FGR: variants seen among roughly 807,000 people sequenced by gnomAD.
FGR encodes tyrosine-protein kinase Fgr.
FGR carries 26 observed loss-of-function variants against 63.2 expected under a neutral mutation model. The observed-to-expected ratio is 0.41, with a 90% CI of 0.30 to 0.57. The LOEUF (loss-of-function observed/expected upper bound fraction) is 0.57, where lower values mean the gene tolerates loss of function less well. Among genes scored for constraint, FGR ranks in the 20% least tolerant of loss-of-function variants. The pLI, the probability that FGR is intolerant of heterozygous loss-of-function variation, is 0.27. For missense variants in FGR, 511 were observed against 690.8 expected (o/e 0.74, Z 2.92); for synonymous variants, 286 against 277.7 (o/e 1.03, Z -0.30).
intron 1 of FGR, among the ~76,000 whole-genome samples, chr1:27,630,923 C>T (rs1272809670): frequency 6.6e-6 from 1 of 152,200 alleles, no homozygotes; most frequent in Non-Finnish European, 1.5e-5. Flanking sequence ...GCTCTATGAC[C>T]TTGGATCTTT....
chr1:27,620,991 C>CAAAAAAAAAAAAAAA (rs59265327), intron 5 of FGR, among the ~76,000 whole-genome samples: 5 of 22,036 alleles, frequency 2.3e-4, no homozygotes, highest in Middle Eastern at 0.071. Context: ...GACCCTGTCT[C>CAAAAAAAAAAAAAAA]AAAAAAAAAA....
At chr1:27,631,758 A>G in intron 1 of FGR, among the ~76,000 whole-genome samples, 1 of 152,032 alleles carries the variant, frequency 6.6e-6, no homozygotes, top group East Asian at 1.9e-4. Context: ...GAGAAGAAAG[A>G]GAAGTTCCCA....
chr1:27,627,480 C>T (rs2090040781), intron 1 of FGR, among the ~76,000 whole-genome samples: 1 of 144,770 alleles, frequency 6.9e-6, no homozygotes, highest in Non-Finnish European at 1.5e-5. Context: ...ACACACACAT[C>T]CTCTATAAAA....
chr1:27,633,994 G>A (rs1284001684), intron 1 of FGR, among the ~76,000 whole-genome samples: 1 of 152,238 alleles, frequency 6.6e-6, no homozygotes, highest in Non-Finnish European at 1.5e-5. Context: ...TAAGGGCCCA[G>A]TCTTGCTAAG....
rs1341083357 is a variant in FGR at position 27,615,695 on chromosome 1, A to T, written c.832T>A (p.Trp278Arg). The T allele has an allele frequency of 6.2e-7, 1 of 1,601,186 alleles. No homozygotes were observed. The highest frequency in any genetic ancestry group is 1.3e-5 in the African/African-American group (1 of 74,704). ...RLGTGCFGDV[W>R]LGTWNGSTKV... ...GCCCCCGGGAGCTCCGTACCCAGCC[A>T]CACATCCCCGAAGCAGCCGGTGCCC... Residue 278 changes from tryptophan to arginine, a missense_variant, in exon 8 of 13, where the codon TGG becomes AGG. Coordinates refer to ENST00000374005, the MANE Select transcript of FGR (RefSeq NM_005248.3). The surrounding 1 kb of genome is among the most constrained non-coding windows in gnomAD (Gnocchi z 7.6).
chr1:27,615,061 C>T lies in FGR; in HGVS notation c.1019-135G>A. 1 of 699,148 alleles carries T rather than the reference C, an allele frequency of 1.4e-6. No homozygotes were observed. The highest frequency in any genetic ancestry group is 2.6e-6 in the Non-Finnish European group (1 of 390,588). 43.3% of individuals were successfully genotyped at this position (699,148 alleles called of 1,614,324 possible). A position where few individuals can be genotyped will look rare whatever the true frequency, so the allele number is the denominator to read the frequency against. ...TTAGGACCCCGCGGGTGCCTCAACC[C>T]CTCACTTGTCTCGTCCTGGCCCTGC... On this transcript the variant is annotated intron_variant, in intron 9 of 12. Coordinates refer to ENST00000374005, the MANE Select transcript of FGR (RefSeq NM_005248.3). This position sits in a 1 kb window ranked among gnomAD's most constrained non-coding sequence, Gnocchi z 7.6.
At position 27,615,401 on chromosome 1, in the gene FGR, C is replaced by T; in HGVS notation, c.1018+33G>A. On this transcript the variant is annotated intron_variant, in intron 9 of 12. Transcript: ENST00000374005. This position sits in a 1 kb window ranked among gnomAD's most constrained non-coding sequence, Gnocchi z 7.6. ...GAAAACTCCCCTCTTAACTTCACCC[C>T]GAATCCCGCCCGACCAGGCTCCGCC... The T allele has an allele frequency of 3.2e-6, 5 of 1,582,674 alleles. No individual in the cohort carries two copies. The highest frequency in any genetic ancestry group is 1.1e-5 in the South Asian group (1 of 88,870).
intron 5 of FGR, among the ~76,000 whole-genome samples, chr1:27,621,089 G>A (rs1172770640): frequency 7.0e-6 from 1 of 142,478 alleles, no homozygotes; most frequent in South Asian, 2.3e-4. Flanking sequence ...CTCCTTAATA[G>A]AATTAATTCC....
At position 27,614,897 on chromosome 1, in the gene FGR, C is replaced by G. The variant is rs1394276965; in HGVS notation, c.1048G>C (p.Glu350Gln). ...GSLLDFLKNP[E>Q]GQDLRLPQLV... Reference sequence around the variant, plus strand: ...TGGGGCAGCCTCAAATCCTGGCCCTCTGGGTTCTTGAGAAAATCCAGCAAG... The same window carrying G: ...TGGGGCAGCCTCAAATCCTGGCCCTGTGGGTTCTTGAGAAAATCCAGCAAG... The change falls in exon 10 of 13, where the codon GAG (glutamate) becomes CAG (glutamine). Residue 350 changes from glutamate (E) to glutamine (Q), a missense_variant. Coordinates refer to ENST00000374005, the MANE Select transcript of FGR (RefSeq NM_005248.3). 1 of 1,599,816 alleles carries G rather than the reference C, an allele frequency of 6.3e-7. No individual in the cohort carries two copies. Among genetic ancestry groups the G allele is most frequent in the Non-Finnish European group, 8.5e-7 (1 of 1,172,036 alleles).
chr1:27,618,387 G>T (rs2089856348), intron 5 of FGR, among the ~76,000 whole-genome samples: 2 of 152,128 alleles, frequency 1.3e-5, no homozygotes, highest in African/African-American at 4.8e-5. Context: ...TAACAATGTT[G>T]TGAGATAGCT....
Position 27,615,361 on chromosome 1 carries a change from C to T in FGR, c.1018+73G>A, listed in dbSNP as rs1048874110. 11 of 1,506,920 alleles carry T rather than the reference C, an allele frequency of 7.3e-6. No homozygotes were observed. The Middle Eastern group carries it at 5.2e-4, about 72-fold the overall frequency. 93.3% of individuals were successfully genotyped at this position (1,506,920 alleles called of 1,614,324 possible). ...TCCCTTGTCCCTCACAGATCGCGTC[C>T]CAGGTCCCACGCCTGAAAACTCCCC... On this transcript the variant is annotated intron_variant, in intron 9 of 12. Coordinates refer to ENST00000374005, the MANE Select transcript of FGR (RefSeq NM_005248.3). The surrounding 1 kb of genome is among the most constrained non-coding windows in gnomAD (Gnocchi z 7.6).
intron 5 of FGR, among the ~76,000 whole-genome samples, chr1:27,618,542 G>T (rs929400089): frequency 1.2e-4 from 18 of 152,090 alleles, no homozygotes; most frequent in Middle Eastern, 3.4e-3. Flanking sequence ...GGTGACACTG[G>T]CTCCAAGATG....
chr1:27,629,499 AAGAG>A (rs59893915), intron 1 of FGR, among the ~76,000 whole-genome samples: 1 of 151,288 alleles, frequency 6.6e-6, no homozygotes, highest in African/African-American at 2.4e-5. Flanking sequence ...GATGAAGAGA[AAGAG>A]AGAGAGAGAG....
chr1:27,623,660 G>A (rs369626398), intron 3 of FGR, 31 bp downstream of exon 3: 144 of 1,605,076 alleles, frequency 9.0e-5, no homozygotes, highest in Non-Finnish European at 1.2e-4. Context: ...CAGGATCCAG[G>A]CAGCTCCTGC....
rs542412483 is a variant in FGR, at chr1:27,630,525, A to G, written c.-77+4540T>C. On this transcript the variant is annotated intron_variant, in intron 1 of 12. Coordinates refer to ENST00000374005, the MANE Select transcript of FGR (RefSeq NM_005248.3). Reference sequence around the variant, plus strand: ...CCTAGTGTTCTCAGCCCTGTGCCTCATGCTCTAAATCCTTGATACAGCAGG... The same window carrying G: ...CCTAGTGTTCTCAGCCCTGTGCCTCGTGCTCTAAATCCTTGATACAGCAGG... 1.4e-3 allele frequency among the ~76,000 whole-genome samples: 211 copies of G among 152,070 alleles called. 2 individuals carry two copies. Among genetic ancestry groups the G allele is most frequent in the African/African-American group, 4.9e-3 (203 of 41,486 alleles).
chr1:27,618,959 A>G (rs1239633532), intron 5 of FGR, among the ~76,000 whole-genome samples: 2 of 151,924 alleles, frequency 1.3e-5, no homozygotes, highest in Admixed American at 6.6e-5. Context: ...TCTCTCACCA[A>G]GGTCACCCCC....
chr1:27,621,506 C>T (rs2089924742), intron 5 of FGR, 53 bp downstream of exon 5: 2 of 1,364,318 alleles, frequency 1.5e-6, no homozygotes, highest in South Asian at 2.3e-5. Flanking sequence ...GCCTTGGAGT[C>T]TGGACTCCAG....
chr1:27,634,910 C>T (rs1308980266), intron 1 of FGR, among the ~76,000 whole-genome samples, 155 bp downstream of exon 1: 1 of 152,176 alleles, frequency 6.6e-6, no homozygotes, highest in African/African-American at 2.4e-5. Flanking sequence ...TAGGCCTTTT[C>T]GGGCTGGGGT....
At chr1:27,628,387 G>C (rs538384681) in intron 1 of FGR, among the ~76,000 whole-genome samples, 1 of 152,020 alleles carries the variant, frequency 6.6e-6, no homozygotes, top group East Asian at 1.9e-4. Context: ...CTGGTGTTTG[G>C]CTCCAGAATC....
Sources: gnomAD v4.1 joint callset for allele counts (sites outside exome capture counted in the v4.1 genomes callset) on GRCh38, gnomAD v4.1.1 for gene constraint, Gnocchi (gnomAD v3.1) non-coding constraint, MANE v1.5 for transcripts, NCBI Gene and HGNC (gene_info 2026-07-23, HGNC 2026-07-21) for gene names.